The following RPSA2 variants were observed in gnomAD, a reference collection of about 807,000 sequenced individuals.
RPSA2 encodes the protein ribosomal protein SA 2, also known as small ribosomal subunit protein uS2B.
At chr19:23,761,937 A>ATTTTTT in the RPSA2 span, among the ~76,000 whole-genome samples, 27 of 3,984 alleles carry the variant, frequency 6.8e-3, no homozygotes, top group African/African-American at 0.015. Flanking sequence ...TTTTTTTTTG[A>ATTTTTT]GATGGAGTCT....
chr19:23,799,705 G>A, the RPSA2 span, among the ~76,000 whole-genome samples: 1 of 143,986 alleles, frequency 6.9e-6, no homozygotes, highest in Non-Finnish European at 1.5e-5. Context: ...TAGCCAAAAA[G>A]ATAGCACCCT....
the RPSA2 span, chr19:23,832,201 C>T: frequency 2.3e-6 from 1 of 430,906 alleles, no homozygotes; most frequent in Non-Finnish European, 4.7e-6. Flanking sequence ...TAAGAGGATG[C>T]ACAGAAGAAA....
At chr19:23,841,443 G>A in the RPSA2 span, among the ~76,000 whole-genome samples, 2 of 152,168 alleles carry the variant, frequency 1.3e-5, no homozygotes, top group African/African-American at 2.4e-5. Context: ...CAGCCTGGGC[G>A]ACAGAGCCAG....
chr19:23,870,951 C>T, the RPSA2 span, among the ~76,000 whole-genome samples: 1 of 152,194 alleles, frequency 6.6e-6, no homozygotes, highest in Non-Finnish European at 1.5e-5. Context: ...GAGCCACTCC[C>T]TGGTGCTGTG....
the RPSA2 span, among the ~76,000 whole-genome samples, chr19:23,813,462 G>A: frequency 2.0e-5 from 3 of 151,774 alleles, no homozygotes; most frequent in African/African-American, 7.3e-5. Context: ...TAATATCTAT[G>A]ATTTTACTAC....
the RPSA2 span, among the ~76,000 whole-genome samples, chr19:23,804,642 G>A: frequency 1.3e-5 from 2 of 152,048 alleles, no homozygotes; most frequent in South Asian, 2.1e-4. Context: ...CAGAGAGAGC[G>A]ACATCAGCAC....
chr19:23,805,908 TG>T, the RPSA2 span, among the ~76,000 whole-genome samples: 3 of 152,200 alleles, frequency 2.0e-5, no homozygotes, highest in African/African-American at 7.2e-5. Context: ...TTATATGCCG[TG>T]CAGAATTCTC....
At chr19:23,766,018 A>G in the RPSA2 span, among the ~76,000 whole-genome samples, 1 of 152,080 alleles carries the variant, frequency 6.6e-6, no homozygotes, top group Non-Finnish European at 1.5e-5. Context: ...ATAGTGATCA[A>G]TTCTGCCACT....
the RPSA2 span, among the ~76,000 whole-genome samples, chr19:23,836,608 A>G: frequency 1.3e-5 from 2 of 152,092 alleles, no homozygotes; most frequent in Non-Finnish European, 2.9e-5. Context: ...TCCTATAGTG[A>G]CTGTACTGGT....
chr19:23,763,560 T>G, the RPSA2 span, among the ~76,000 whole-genome samples: 1 of 152,158 alleles, frequency 6.6e-6, no homozygotes, highest in African/African-American at 2.4e-5. Flanking sequence ...CCTCCGCCTC[T>G]CAGGCTCTGG....
the RPSA2 span, among the ~76,000 whole-genome samples, chr19:23,835,242 G>A: frequency 8.6e-5 from 13 of 151,732 alleles, 1 homozygote; most frequent in South Asian, 2.7e-3. Flanking sequence ...TGTGGCCTTT[G>A]CCTGCAAGCA....
At chr19:23,762,324 G>A in the RPSA2 span, among the ~76,000 whole-genome samples, 1 of 152,030 alleles carries the variant, frequency 6.6e-6, no homozygotes, top group Non-Finnish European at 1.5e-5. Context: ...ACGGCATGGT[G>A]AGAGAGGCGC....
the RPSA2 span, among the ~76,000 whole-genome samples, chr19:23,861,551 G>C: frequency 6.6e-6 from 1 of 151,998 alleles, no homozygotes; most frequent in Non-Finnish European, 1.5e-5. Flanking sequence ...ATTTTTTCAG[G>C]GTTCTACTGT....
the RPSA2 span, among the ~76,000 whole-genome samples, chr19:23,859,737 G>A: frequency 1.6e-4 from 24 of 152,130 alleles, 2 homozygotes; most frequent in Admixed American, 7.2e-4. Context: ...TACAGTAATC[G>A]TTTGTCCAAA....
At chr19:23,848,179 G>A in the RPSA2 span, among the ~76,000 whole-genome samples, 1 of 152,146 alleles carries the variant, frequency 6.6e-6, no homozygotes. Flanking sequence ...AATTATAAGA[G>A]TATTATTTGG....
At chr19:23,859,293 C>T in the RPSA2 span, among the ~76,000 whole-genome samples, 21 of 152,142 alleles carry the variant, frequency 1.4e-4, no homozygotes, top group Non-Finnish European at 2.2e-4. Context: ...TTTCCCTACA[C>T]TTACCATTTA....
the RPSA2 span, among the ~76,000 whole-genome samples, chr19:23,776,480 A>G: frequency 5.5e-5 from 2 of 36,610 alleles, no homozygotes; most frequent in South Asian, 1.7e-3. Flanking sequence ...CTTTGCTCAC[A>G]TGGGTCATTG....
the RPSA2 span, among the ~76,000 whole-genome samples, chr19:23,860,934 T>C: frequency 5.3e-5 from 8 of 152,168 alleles, no homozygotes; most frequent in African/African-American, 1.9e-4. Flanking sequence ...CTAGACACAC[T>C]GGTGACCCCA....
the RPSA2 span, among the ~76,000 whole-genome samples, chr19:23,796,147 C>T: frequency 6.6e-6 from 1 of 152,126 alleles, no homozygotes; most frequent in Non-Finnish European, 1.5e-5. Context: ...ACTTTTAATG[C>T]CTAGGTTTTT....
Sources: allele counts gnomAD v4.1 joint callset (sites outside exome capture counted in the v4.1 genomes callset), GRCh38; gene constraint gnomAD v4.1.1; transcripts MANE v1.5; gene names NCBI Gene and HGNC (gene_info 2026-07-23, HGNC 2026-07-21).